FAF1: variants seen among roughly 807,000 people sequenced by gnomAD.
The protein encoded by FAF1 is Fas associated factor 1, also known as FAS-associated factor 1.
In FAF1, 25 loss-of-function variants were observed where a neutral mutation model predicts 92.5. The observed-to-expected ratio is 0.27, with a 90% confidence interval of 0.20 to 0.38. FAF1 has a LOEUF of 0.38. Among genes scored for constraint, FAF1 ranks in the 10% least tolerant of loss-of-function variants. The pLI, the probability that FAF1 is intolerant of heterozygous loss-of-function variation, is 1.00. For synonymous variants in FAF1, 234 were observed against 273.2 expected (o/e 0.86, Z 1.42); for missense variants, 636 against 793.3 (o/e 0.80, Z 2.38).
At chr1:50,819,638 TCACACACACACACACACA>T (rs375892280) in intron 2 of FAF1, among the ~76,000 whole-genome samples, 22 of 97,822 alleles carry the variant, frequency 2.2e-4, no homozygotes, top group Non-Finnish European at 3.6e-4. Context: ...ACTGACTCAC[TCACACACACACACACACA>T]CACACACACA....
At chr1:50,832,911 T>TA (rs1644167265) in intron 2 of FAF1, among the ~76,000 whole-genome samples, 1 of 152,214 alleles carries the variant, frequency 6.6e-6, no homozygotes. Flanking sequence ...ATAGAATACC[T>TA]AATTCTCTGT....
At chr1:50,706,551 T>A (rs1657681792) in intron 6 of FAF1, among the ~76,000 whole-genome samples, 4 of 152,120 alleles carry the variant, frequency 2.6e-5, no homozygotes, top group Admixed American at 2.6e-4. Context: ...TCAAGAAATG[T>A]AAGTCATGGT....
At chr1:50,929,969 G>A (rs907777386) in intron 1 of FAF1, among the ~76,000 whole-genome samples, 4 of 152,024 alleles carry the variant, frequency 2.6e-5, no homozygotes, top group African/African-American at 4.8e-5. Context: ...GCAATTTATC[G>A]CATAAAGAAT....
chr1:50,872,802 A>G (rs1644538917), intron 1 of FAF1, among the ~76,000 whole-genome samples: 1 of 152,138 alleles, frequency 6.6e-6, no homozygotes, highest in East Asian at 1.9e-4. Context: ...CAGGAGGCTG[A>G]GGCAGGAGAA....
intron 13 of FAF1, among the ~76,000 whole-genome samples, chr1:50,555,558 C>A (rs1572830652): frequency 6.6e-6 from 1 of 152,124 alleles, no homozygotes; most frequent in Middle Eastern, 3.4e-3. Context: ...CCACGAGATA[C>A]CACCTTACAC....
chr1:50,591,773 T>C (rs1651527811), intron 9 of FAF1, among the ~76,000 whole-genome samples: 1 of 152,014 alleles, frequency 6.6e-6, no homozygotes, highest in African/African-American at 2.4e-5. Context: ...TCTCTTATCT[T>C]CCTTTTCCCC....
At chr1:50,468,879 A>T (rs1646534541) in intron 18 of FAF1, among the ~76,000 whole-genome samples, 1 of 152,122 alleles carries the variant, frequency 6.6e-6, no homozygotes, top group South Asian at 2.1e-4. Context: ...TACAGGCATG[A>T]GCCACTGCGC....
chr1:50,818,625 T>C (rs970802099), intron 2 of FAF1, among the ~76,000 whole-genome samples: 2 of 152,226 alleles, frequency 1.3e-5, no homozygotes, highest in Admixed American at 1.3e-4. Context: ...GTGCATACTG[T>C]ATGATTTCCT....
intron 2 of FAF1, among the ~76,000 whole-genome samples, chr1:50,811,941 G>T (rs1020628988): frequency 6.6e-6 from 1 of 152,042 alleles, no homozygotes; most frequent in Non-Finnish European, 1.5e-5. Context: ...TTTGATAAAG[G>T]TAACAAAAAT....
At chr1:50,819,696 T>C (rs1432023510) in intron 2 of FAF1, among the ~76,000 whole-genome samples, 19 of 58,790 alleles carry the variant, frequency 3.2e-4, no homozygotes, top group Admixed American at 4.7e-4. Context: ...TATATACATA[T>C]ATATATACAT....
intron 8 of FAF1, among the ~76,000 whole-genome samples, chr1:50,633,596 T>G (rs2124216101): frequency 6.6e-6 from 1 of 152,320 alleles, no homozygotes; most frequent in South Asian, 2.1e-4. Context: ...TTGGCTTATC[T>G]CTGAGCTCTG....
chr1:50,955,891 G>A (rs1001573152), intron 1 of FAF1, among the ~76,000 whole-genome samples: 6 of 152,146 alleles, frequency 3.9e-5, no homozygotes, highest in African/African-American at 1.2e-4. Flanking sequence ...TCACAAAAAA[G>A]GGCAAATACT....
intron 8 of FAF1, among the ~76,000 whole-genome samples, chr1:50,634,224 C>T (rs1360181893): frequency 6.6e-6 from 1 of 151,830 alleles, no homozygotes; most frequent in African/African-American, 2.4e-5. Context: ...CAGTTGTAAG[C>T]ACCCCTCTAT....
At chr1:50,450,738 C>A (rs563026799) in intron 18 of FAF1, among the ~76,000 whole-genome samples, 7 of 152,274 alleles carry the variant, frequency 4.6e-5, no homozygotes, top group Admixed American at 6.5e-5. Context: ...AATTGCTGGG[C>A]ATATGCTGAG....
intron 6 of FAF1, chr1:50,715,076 GA>G: frequency 2.6e-6 from 1 of 384,904 alleles, no homozygotes; most frequent in Non-Finnish European, 5.1e-6. Context: ...TCTACAAACA[GA>G]AAAAGACTAT....
intron 1 of FAF1, among the ~76,000 whole-genome samples, chr1:50,935,320 T>C (rs1645077436): frequency 6.6e-6 from 1 of 152,192 alleles, no homozygotes; most frequent in Non-Finnish European, 1.5e-5. Flanking sequence ...TCATTATGAA[T>C]AGTTCATGCC....
chr1:50,693,615 T>A (rs905399187), intron 7 of FAF1, among the ~76,000 whole-genome samples: 5 of 152,112 alleles, frequency 3.3e-5, no homozygotes, highest in African/African-American at 1.2e-4. Context: ...TACTTTAAGA[T>A]AAAAAATAAA....
At chr1:50,871,077 A>G (rs1354514236) in intron 1 of FAF1, among the ~76,000 whole-genome samples, 4 of 152,240 alleles carry the variant, frequency 2.6e-5, no homozygotes, top group African/African-American at 9.6e-5. Flanking sequence ...TCTGAATAGA[A>G]GATTAAACCA....
intron 4 of FAF1, among the ~76,000 whole-genome samples, chr1:50,779,482 GC>G (rs1429290742): frequency 6.6e-6 from 1 of 152,050 alleles, no homozygotes; most frequent in Non-Finnish European, 1.5e-5. Context: ...TCCATGGGCT[GC>G]AGAACTGATA....
Sources: allele counts gnomAD v4.1 joint callset (sites outside exome capture counted in the v4.1 genomes callset), GRCh38; gene constraint gnomAD v4.1.1; transcripts MANE v1.5; gene names NCBI Gene and HGNC (gene_info 2026-07-23, HGNC 2026-07-21).